The following NOL4L variants were observed in gnomAD, a reference collection of about 807,000 sequenced individuals.
The protein encoded by NOL4L is nucleolar protein 4 like.
A neutral mutation model predicts 64.5 loss-of-function variants in NOL4L; 7 were observed. The observed-to-expected ratio is 0.11, with a 90% confidence interval of 0.06 to 0.20. The LOEUF is 0.20. Ranked by LOEUF, NOL4L falls within the 10% of genes least tolerant of loss-of-function variation. NOL4L has a pLI of 1.00. For missense variants in NOL4L, 680 were observed against 967.1 expected (o/e 0.70, Z 3.94); for synonymous variants, 413 against 401.0 (o/e 1.03, Z -0.36).
chr20:32,461,426 T>TC (rs1180901957), intron 5 of NOL4L, among the ~76,000 whole-genome samples: 2 of 146,078 alleles, frequency 1.4e-5, no homozygotes, highest in Non-Finnish European at 3.0e-5. Context: ...CTTTTCTTTT[T>TC]TTTTTTTTTT....
At chr20:32,465,182 T>C (rs2014438685) in intron 5 of NOL4L, 1 of 462,294 alleles carries the variant, frequency 2.2e-6, no homozygotes, top group East Asian at 3.5e-5. Flanking sequence ...AGGTCCCGAG[T>C]GTCAGGCGGC....
chr20:32,518,821 C>T (rs1187337175), intron 3 of NOL4L, among the ~76,000 whole-genome samples: 1 of 152,236 alleles, frequency 6.6e-6, no homozygotes. Context: ...AGCCCATCTG[C>T]AGGTACCAAA....
chr20:32,511,270 A>G, intron 4 of NOL4L, 77 bp downstream of exon 4: 1 of 876,618 alleles, frequency 1.1e-6, no homozygotes, highest in Non-Finnish European at 1.8e-6. Context: ...CTGTGGCCCC[A>G]AGTCTTGGAA....
chr20:32,548,577 A>C (rs2018760164), intron 1 of NOL4L: 1 of 219,014 alleles, frequency 4.6e-6, no homozygotes, highest in East Asian at 1.5e-4. Context: ...GCCAGCATAC[A>C]CTGAATGCTC....
In NOL4L at chr20:32,464,676, C is replaced by T. The variant is rs1315263588; in HGVS notation, c.842-8281G>A. 2 of 220,736 alleles carry T rather than the reference C, an allele frequency of 9.1e-6. No homozygotes were observed. Among genetic ancestry groups the T allele is most frequent in the African/African-American group, 2.3e-5 (1 of 44,356 alleles). The allele number at this position is 220,736 out of a possible 1,614,324, so 13.7% of individuals were successfully genotyped here. A position where few individuals can be genotyped will look rare whatever the true frequency, so the allele number is the denominator to read the frequency against. Reference sequence around the variant, plus strand: ...AGGCAGGTGCCAATTTAGGCCCTCACAGTCGGGAGCAGCACTGTCCGACAG... The same window carrying T: ...AGGCAGGTGCCAATTTAGGCCCTCATAGTCGGGAGCAGCACTGTCCGACAG... On this transcript the variant is annotated intron_variant, in intron 5 of 10. Coordinates refer to ENST00000621426, the MANE Select transcript of NOL4L (RefSeq NM_001256798.2). The surrounding 1 kb of genome is among the most constrained non-coding windows in gnomAD (Gnocchi z 5.6).
intron 5 of NOL4L, among the ~76,000 whole-genome samples, chr20:32,468,369 TG>T (rs995397019): frequency 6.6e-6 from 1 of 152,114 alleles, no homozygotes; most frequent in Non-Finnish European, 1.5e-5. Context: ...CCCTCAATCC[TG>T]GCATCGGGCA....
chr20:32,583,684 G>T (rs1980666534), intron 1 of NOL4L, among the ~76,000 whole-genome samples: 1 of 147,768 alleles, frequency 6.8e-6, no homozygotes, highest in Admixed American at 6.6e-5. Flanking sequence ...GAACAATGAG[G>T]TCCCGGCGGG....
chr20:32,540,235 ATG>A (rs1352698674), intron 1 of NOL4L, among the ~76,000 whole-genome samples: 2 of 152,154 alleles, frequency 1.3e-5, no homozygotes, highest in Admixed American at 1.3e-4. Flanking sequence ...GCCCAGACAG[ATG>A]TGTGTAGGCC....
chr20:32,530,308 A>G (rs1430646111), intron 1 of NOL4L, among the ~76,000 whole-genome samples: 4 of 151,902 alleles, frequency 2.6e-5, no homozygotes, highest in African/African-American at 9.7e-5. Context: ...TTGGGAGGCC[A>G]AGGCGGGTGG....
chr20:32,562,253 C>A lies in NOL4L; in HGVS notation c.321+22317G>T, dbSNP rs565300257. Among the ~76,000 whole-genome samples the A allele has an allele frequency of 1.1e-4, 16 of 152,280 alleles. No individual in the cohort carries two copies. In the East Asian group the frequency reaches 2.7e-3, roughly 26 times the overall value. ...AGATGTCAGATTGACTTCCACCCCC[C>A]ACCCGCCCATCAGGCTTCCGGCTTC... is the stretch of plus-strand genomic sequence containing the variant. On this transcript the variant is annotated intron_variant, in intron 1 of 10. Coordinates refer to ENST00000621426, the MANE Select transcript of NOL4L (RefSeq NM_001256798.2).
At position 32,447,403 on chromosome 20, in the gene NOL4L, CAAAAAAAAAAA is replaced by C. The variant is rs386393630; in HGVS notation, c.*182_*192del. ...TCAGAGCACCCGTGTGGTGAGATTCCAAAAAAAAAAAAAAAAAAAAAAAAAAGTGTCCTTGT... is the reference window on the plus strand; with the variant it reads ...TCAGAGCACCCGTGTGGTGAGATTCCAAAAAAAAAAAAAAAGTGTCCTTGT... On this transcript the variant is annotated 3_prime_UTR_variant, in exon 11 of 11. Transcript: ENST00000621426. The C allele has an allele frequency of 1.1e-3, 174 of 151,810 alleles. No homozygotes were observed. The highest frequency in any genetic ancestry group is 0.011 in the Middle Eastern group (6 of 570). The allele number at this position is 151,810 out of a possible 1,614,324, so 9.4% of individuals were successfully genotyped here. A position where few individuals can be genotyped will look rare whatever the true frequency, so the allele number is the denominator to read the frequency against.
chr20:32,501,289 A>C (rs1171155842), intron 4 of NOL4L, among the ~76,000 whole-genome samples: 2 of 152,224 alleles, frequency 1.3e-5, no homozygotes, highest in Non-Finnish European at 2.9e-5. Flanking sequence ...CAAATTTCTA[A>C]ATCCTACAAA....
chr20:32,497,056 CAAAAAAAA>C (rs11167170), intron 4 of NOL4L, among the ~76,000 whole-genome samples: 1 of 76,802 alleles, frequency 1.3e-5, no homozygotes, highest in Non-Finnish European at 2.4e-5. Flanking sequence ...CTCCTACCCT[CAAAAAAAA>C]AAAAAAAAAA....
intron 4 of NOL4L, among the ~76,000 whole-genome samples, chr20:32,486,107 G>A (rs556833279): frequency 3.9e-5 from 6 of 152,330 alleles, no homozygotes; most frequent in Admixed American, 6.5e-5. Flanking sequence ...GCTGTTGAGC[G>A]GCACTGCAAA....
At chr20:32,562,101 G>A (rs1350766164) in intron 1 of NOL4L, among the ~76,000 whole-genome samples, 7 of 152,166 alleles carry the variant, frequency 4.6e-5, no homozygotes, top group African/African-American at 1.4e-4. Context: ...CAGGCATGCC[G>A]TCAGGACTAT....
At chr20:32,473,997 A>G (rs1435225173) in intron 5 of NOL4L, among the ~76,000 whole-genome samples, 1 of 152,184 alleles carries the variant, frequency 6.6e-6, no homozygotes, top group Non-Finnish European at 1.5e-5. Context: ...TCCTGACCCT[A>G]ACTCTCCAAC....
Position 32,574,805 on chromosome 20 carries a change from G to A in NOL4L, c.321+9765C>T, listed in dbSNP as rs949812410. Among the ~76,000 whole-genome samples the A allele has an allele frequency of 5.3e-5, 8 of 151,786 alleles. No homozygotes were observed. In the East Asian group the frequency reaches 5.9e-4, roughly 11 times the overall value. On this transcript the variant is annotated intron_variant, in intron 1 of 10. Transcript: ENST00000621426. ...GCCTAAGTCACGGGGTCCCCTCCAC[G>A]GCCTCCCACCGCCACAGGCTGCCAG...
intron 3 of NOL4L, among the ~76,000 whole-genome samples, chr20:32,517,307 C>T (rs935291390): frequency 6.6e-6 from 1 of 152,252 alleles, no homozygotes; most frequent in Non-Finnish European, 1.5e-5. Context: ...CTTCCTGGGG[C>T]AGGAACACTG....
At chr20:32,550,360 C>A (rs1250062974) in intron 1 of NOL4L, among the ~76,000 whole-genome samples, 3 of 152,244 alleles carry the variant, frequency 2.0e-5, no homozygotes, top group African/African-American at 4.8e-5. Flanking sequence ...GATTCTCCGG[C>A]CTCGGCCTCC....
Sources: allele counts gnomAD v4.1 joint callset (sites outside exome capture counted in the v4.1 genomes callset), GRCh38; gene constraint gnomAD v4.1.1; non-coding constraint Gnocchi (gnomAD v3.1); transcripts MANE v1.5; gene names NCBI Gene and HGNC (gene_info 2026-07-23, HGNC 2026-07-21).